GLI4: variants seen among roughly 807,000 people sequenced by gnomAD.
The protein encoded by GLI4 is zinc finger protein GLI4.
A neutral mutation model predicts 30.9 loss-of-function variants in GLI4; 34 were observed. The observed-to-expected ratio is 1.10, with a 90% CI of 0.84 to 1.47. GLI4 has a LOEUF of 1.47. Ranked by LOEUF, GLI4 falls within the 40% of genes most tolerant of loss-of-function variation. GLI4 has a pLI of 0.00. For synonymous variants in GLI4, 277 were observed against 236.7 expected, an observed-to-expected ratio of 1.17 and a Z score of -1.56; for missense variants, 696 against 538.9, an observed-to-expected ratio of 1.29 and a Z score of -2.89.
intron 3 of GLI4, 189 bp from the exon 4 acceptor site, chr8:143,275,708 C>G (rs1247417937): frequency 5.6e-6 from 7 of 1,241,970 alleles, no homozygotes; most frequent in Middle Eastern, 3.1e-4. Context: ...ACCCCTGTGT[C>G]TATGTCAGCT....
intron 2 of GLI4, among the ~76,000 whole-genome samples, chr8:143,271,339 T>C (rs929000824): frequency 2.6e-5 from 4 of 151,998 alleles, no homozygotes; most frequent in African/African-American, 9.7e-5. Flanking sequence ...GCGGCCTTCA[T>C]CCCCTCTTCA....
chr8:143,275,226 T>C, intron 3 of GLI4: 1 of 1,533,368 alleles, frequency 6.5e-7, no homozygotes. Context: ...TGGAGCTGTG[T>C]CCAGGTCCCC....
chr8:143,270,639 C>T (rs1815247288), intron 2 of GLI4, among the ~76,000 whole-genome samples: 1 of 152,198 alleles, frequency 6.6e-6, no homozygotes, highest in South Asian at 2.1e-4. Flanking sequence ...GTCAGAATCT[C>T]AGGGCCCACC....
chr8:143,268,838 TTGCTGCTGC>T (rs201537418), intron 1 of GLI4, among the ~76,000 whole-genome samples: 5 of 148,022 alleles, frequency 3.4e-5, no homozygotes, highest in Non-Finnish European at 7.5e-5. Flanking sequence ...CGTTACTCCT[TTGCTGCTGC>T]TGCTGCTGCT....
At chr8:143,267,638 G>A (rs1815165782) in intron 1 of GLI4, 154 bp downstream of exon 1, 1 of 985,234 alleles carries the variant, frequency 1.0e-6, no homozygotes, top group African/African-American at 1.7e-5. Context: ...GGCCAAGCCC[G>A]GGGAGCGGGG....
chr8:143,275,342 G>C (rs907936128), intron 3 of GLI4: 1 of 1,420,456 alleles, frequency 7.0e-7, no homozygotes, highest in Admixed American at 2.8e-5. Context: ...CGGCCCTGGG[G>C]TGGGGAGCAG....
chr8:143,275,449 C>G (rs889245230), intron 3 of GLI4: 2 of 1,363,798 alleles, frequency 1.5e-6, no homozygotes, highest in Non-Finnish European at 1.9e-6. Flanking sequence ...AGCACACTTG[C>G]CACCGAGGCC....
chr8:143,276,815 G>A lies in GLI4; in HGVS notation c.*11G>A, dbSNP rs200457412. Reference sequence around the variant, plus strand: ...CACTACCGCGAGTAGCCGGGCGGGGGCTCGGGGCTCGGCCTCCTACCTGCC... The same window carrying A: ...CACTACCGCGAGTAGCCGGGCGGGGACTCGGGGCTCGGCCTCCTACCTGCC... On this transcript the variant is annotated 3_prime_UTR_variant, in exon 4 of 4. Coordinates refer to ENST00000340042, the MANE Select transcript of GLI4 (RefSeq NM_138465.4). The A allele has an allele frequency of 2.7e-4, 406 of 1,506,376 alleles. No individual in the cohort carries two copies. In the African/African-American group the frequency reaches 3.8e-3, roughly 14 times the overall value. The allele number at this position is 1,506,376 out of a possible 1,614,324, so 93.3% of individuals were successfully genotyped here.
chr8:143,268,862 T>TGCTGCTGCTGCTGCTGCTGCTGCTGCTGC (rs1197474863), intron 1 of GLI4, among the ~76,000 whole-genome samples: 1 of 12,630 alleles, frequency 7.9e-5, no homozygotes, highest in African/African-American at 1.8e-4. Flanking sequence ...GCTGCTGCTG[T>TGCTGCTGCTGCTGCTGCTGCTGCTGCTGC]TGTTTGAGTC....
At chr8:143,267,854 C>T in intron 1 of GLI4, 1 of 985,456 alleles carries the variant, frequency 1.0e-6, no homozygotes, top group Non-Finnish European at 1.2e-6. Flanking sequence ...CACCGCCGGG[C>T]GGACGCGCTC....
rs978039322 is a variant in GLI4 at position 143,276,892 on chromosome 8, A to C, written c.*88A>C. The C allele has an allele frequency of 3.3e-5, 26 of 790,922 alleles. No individual in the cohort carries two copies. The highest frequency in any genetic ancestry group is 1.4e-4 in the East Asian group (5 of 36,952). The allele number at this position is 790,922 out of a possible 1,614,324, so 49.0% of individuals were successfully genotyped here. The stretch of plus-strand genomic sequence containing the variant: ...CACGGTGGGCACTGCCCAGCACCGC[A>C]TGCCACGTGTCCGGAATAAATTCTT... On this transcript the variant is annotated 3_prime_UTR_variant, in exon 4 of 4. Transcript: ENST00000340042.
chr8:143,270,153 C>G (rs915489822), intron 2 of GLI4, among the ~76,000 whole-genome samples: 7 of 152,260 alleles, frequency 4.6e-5, no homozygotes, highest in African/African-American at 1.7e-4. Flanking sequence ...GAGCTGCTGA[C>G]AGCAGGGGCA....
intron 1 of GLI4, 50 bp from the exon 2 acceptor site, chr8:143,269,310 C>G: frequency 1.4e-6 from 2 of 1,439,542 alleles, no homozygotes; most frequent in East Asian, 4.6e-5. Context: ...CACCATCCCC[C>G]CGACATTCCT....
chr8:143,276,004 GC>G lies in GLI4; in HGVS notation c.334del (p.Arg112GlyfsTer34). On this transcript the variant is annotated frameshift_variant, in exon 4 of 4. Transcript: ENST00000340042. LOFTEE classifies it high-confidence loss of function. The part of the protein sequence containing the change: ...RSLLRSLPRR[A>X]RCSAGFGPES... ...CCTCCTGAGGAGCCTTCCCCGCAGGGCCCGGTGCAGCGCCGGCTTCGGGCCT... is the reference window on the plus strand; with the variant it reads ...CCTCCTGAGGAGCCTTCCCCGCAGGGCCGGTGCAGCGCCGGCTTCGGGCCT... The G allele has an allele frequency of 7.1e-7, 1 of 1,411,430 alleles. No homozygotes were observed. Among genetic ancestry groups the G allele is most frequent in the Non-Finnish European group, 9.2e-7 (1 of 1,085,228 alleles). 87.4% of individuals were successfully genotyped at this position (1,411,430 alleles called of 1,614,324 possible).
Position 143,268,025 on chromosome 8 carries a change from G to A in GLI4, c.-38+541G>A, listed in dbSNP as rs1815177053. On this transcript the variant is annotated intron_variant, in intron 1 of 3. Coordinates refer to ENST00000340042, the MANE Select transcript of GLI4 (RefSeq NM_138465.4). ...GTGAAGGGGCGTCCACGCTGTGATG[G>A]TCGCCTCTGCTCAGTCCTGGGGGCC... 6 of 985,434 alleles carry A rather than the reference G, an allele frequency of 6.1e-6. No individual in the cohort carries two copies. The South Asian group carries it at 2.8e-4, about 46-fold the overall frequency. The allele number at this position is 985,434 out of a possible 1,614,324, so 61.0% of individuals were successfully genotyped here. A position where few individuals can be genotyped will look rare whatever the true frequency, so the allele number is the denominator to read the frequency against.
Position 143,276,494 on chromosome 8 carries a change from A to T in GLI4, c.821A>T (p.Gln274Leu). ...EKPYKCGECG[Q>L]AFSQSSNLVR... ...CCCTACAAGTGCGGCGAGTGCGGCC[A>T]GGCCTTCAGCCAGAGCTCCAACCTG... The change falls in exon 4 of 4, where the codon CAG becomes CTG. Residue 274 changes from glutamine to leucine, a missense_variant. Physicochemically the swap from Gln to Leu is moderately radical, Grantham distance 113. Coordinates refer to ENST00000340042, the MANE Select transcript of GLI4 (RefSeq NM_138465.4). 1 of 1,613,060 alleles carries T rather than the reference A, an allele frequency of 6.2e-7. No homozygotes were observed. The highest frequency in any genetic ancestry group is 8.5e-7 in the Non-Finnish European group (1 of 1,179,850).
At chr8:143,275,369 C>G (rs866581039) in intron 3 of GLI4, 12 of 1,404,002 alleles carry the variant, frequency 8.5e-6, no homozygotes, top group Non-Finnish European at 9.2e-6. Context: ...GAGGTCAGGT[C>G]CCTGGAAAGA....
In GLI4 at chr8:143,275,999, G is replaced by C. The variant is rs553133896; in HGVS notation, c.326G>C (p.Arg109Pro). ...ALRSLLRSLP[R>P]RARCSAGFGP... ...CGCAGCCTCCTGAGGAGCCTTCCCC[G>C]CAGGGCCCGGTGCAGCGCCGGCTTC... Residue 109 changes from arginine (R) to proline (P), a missense_variant, in exon 4 of 4, where the codon CGC (arginine) becomes CCC (proline). Transcript: ENST00000340042. 8 of 1,407,434 alleles carry C rather than the reference G, an allele frequency of 5.7e-6. No homozygotes were observed. Among genetic ancestry groups the C allele is most frequent in the Non-Finnish European group, 7.4e-6 (8 of 1,083,480 alleles). 87.2% of individuals were successfully genotyped at this position (1,407,434 alleles called of 1,614,324 possible). A position where few individuals can be genotyped will look rare whatever the true frequency, so the allele number is the denominator to read the frequency against.
chr8:143,276,561 C>T lies in GLI4; in HGVS notation c.888C>T (p.Ala296=). 1.2e-6 allele frequency: 2 copies of T among 1,611,776 alleles called. No homozygotes were observed. Among genetic ancestry groups the T allele is most frequent in the Non-Finnish European group, 1.7e-6 (2 of 1,179,450 alleles). ...QRLHTGEKPY[A]CSQCGKAFIW... is the part of the protein sequence containing the mutation. ...TGCACACGGGTGAGAAGCCCTACGC[C>T]TGCAGCCAGTGCGGCAAGGCCTTCA... The change falls in exon 4 of 4, where the codon GCC becomes GCT. Residue 296 remains alanine (A), a synonymous_variant. Coordinates refer to ENST00000340042, the MANE Select transcript of GLI4 (RefSeq NM_138465.4).
Sources: allele counts gnomAD v4.1 joint callset (sites outside exome capture counted in the v4.1 genomes callset), GRCh38; gene constraint gnomAD v4.1.1; transcripts MANE v1.5; gene names NCBI Gene and HGNC (gene_info 2026-07-23, HGNC 2026-07-21).